The following ANK3 variants were observed in gnomAD, a reference collection of about 807,000 sequenced individuals.
The protein encoded by ANK3 is ankyrin 3.
A neutral mutation model predicts 370.9 loss-of-function variants in ANK3; 57 were observed. The observed-to-expected ratio is 0.15, with a 90% CI of 0.12 to 0.19. The LOEUF is 0.19. Ranked by LOEUF, ANK3 falls within the 10% of genes least tolerant of loss-of-function variation. The pLI, the probability that ANK3 is intolerant of heterozygous loss-of-function variation, is 1.00. For synonymous variants in ANK3, 1,929 were observed against 1,946.3 expected (o/e 0.99, Z 0.23); for missense variants, 4,439 against 5,302.1 (o/e 0.84, Z 5.06).
At chr10:60,598,325 G>A (rs1310650076) in intron 2 of ANK3, among the ~76,000 whole-genome samples, 1 of 152,162 alleles carries the variant, frequency 6.6e-6, no homozygotes, top group East Asian at 1.9e-4. Context: ...TTATTAAAGA[G>A]ACAAATATTT....
intron 42 of ANK3, among the ~76,000 whole-genome samples, chr10:60,047,213 C>T (rs2077119134): frequency 6.6e-6 from 1 of 152,150 alleles, no homozygotes; most frequent in Admixed American, 6.5e-5. Context: ...CCCTTCCCTT[C>T]CCCCCAACCA....
chr10:60,347,736 A>G (rs1341634176), intron 1 of ANK3, among the ~76,000 whole-genome samples: 1 of 152,158 alleles, frequency 6.6e-6, no homozygotes, highest in Non-Finnish European at 1.5e-5. Flanking sequence ...GGTGTACCTT[A>G]AATCAATGGT....
chr10:60,220,226 T>G (rs1183846687), intron 8 of ANK3, among the ~76,000 whole-genome samples: 1 of 152,174 alleles, frequency 6.6e-6, no homozygotes, highest in Non-Finnish European at 1.5e-5. Flanking sequence ...AGGTCAAAAT[T>G]GTTTCATTTT....
At chr10:60,518,939 C>A (rs1403418433) in intron 2 of ANK3, among the ~76,000 whole-genome samples, 19 of 152,142 alleles carry the variant, frequency 1.2e-4, no homozygotes, top group Admixed American at 1.2e-3. Context: ...GCGTCCCCAT[C>A]TCTTCCTTGG....
chr10:60,211,219 A>G lies in ANK3; in HGVS notation c.996+2193T>C, dbSNP rs1339751809. 2.0e-5 allele frequency among the ~76,000 whole-genome samples: 3 copies of G among 152,164 alleles called. No individual in the cohort carries two copies. In the East Asian group the frequency reaches 5.8e-4, roughly 29 times the overall value. On this transcript the variant is annotated intron_variant, in intron 9 of 43. Transcript: ENST00000280772. ...AGGCCCTTCCCAACTCAGCAAAGTCAGGTAACTGCCTCCTGCTAGCCTGAA... is the reference window on the plus strand; with the variant it reads ...AGGCCCTTCCCAACTCAGCAAAGTCGGGTAACTGCCTCCTGCTAGCCTGAA...
intron 8 of ANK3, among the ~76,000 whole-genome samples, chr10:60,218,259 C>G (rs1193355073): frequency 3.3e-5 from 5 of 152,182 alleles, no homozygotes; most frequent in East Asian, 1.9e-4. Context: ...TGTCTTTTAA[C>G]TGTGGCCTTT....
chr10:60,279,889 A>C (rs2098137112), intron 1 of ANK3, among the ~76,000 whole-genome samples: 1 of 152,198 alleles, frequency 6.6e-6, no homozygotes, highest in South Asian at 2.1e-4. Flanking sequence ...TTTCCTATAA[A>C]GTATAGGCAC....
chr10:60,031,654 C>T (rs888241160), intron 43 of ANK3, among the ~76,000 whole-genome samples: 2 of 152,138 alleles, frequency 1.3e-5, no homozygotes, highest in South Asian at 2.1e-4. Flanking sequence ...CTTTAGAATT[C>T]GACTTCTCTT....
intron 2 of ANK3, among the ~76,000 whole-genome samples, chr10:60,548,679 T>C (rs896936315): frequency 2.9e-4 from 44 of 152,182 alleles, no homozygotes; most frequent in African/African-American, 1.0e-3. Flanking sequence ...AATAGTTTAT[T>C]CCTTCATTCT....
At chr10:60,132,806 G>A (rs765066750) in intron 25 of ANK3, among the ~76,000 whole-genome samples, 92 of 85,756 alleles carry the variant, frequency 1.1e-3, no homozygotes, top group Non-Finnish European at 2.0e-3. Flanking sequence ...TAGTAGAGAC[G>A]GGGTTTCACC....
intron 28 of ANK3, among the ~76,000 whole-genome samples, chr10:60,103,310 ATTTTTATCTTG>A (rs2091637102): frequency 6.6e-6 from 1 of 152,102 alleles, no homozygotes; most frequent in African/African-American, 2.4e-5. Context: ...TTCAGGAACT[ATTTTTATCTTG>A]TTAATTAACA....
chr10:60,069,307 C>A lies in ANK3; in HGVS notation c.11574G>T (p.Gly3858=). ...TGGGAAGTTTGGATTTTTGCCTAAT[C>A]CCTATCAATTCCTTTGTTTTTTGCT... ...GEQQKTKELI[G]IRQKSKLPIK... The change falls in exon 37 of 44, where the codon GGG becomes GGT. Residue 3858 remains glycine (G), a synonymous_variant. Coordinates refer to ENST00000280772, the MANE Select transcript of ANK3 (RefSeq NM_020987.5). The A allele has an allele frequency of 6.2e-7, 1 of 1,614,064 alleles. No individual in the cohort carries two copies. Among genetic ancestry groups the A allele is most frequent in the Non-Finnish European group, 8.5e-7 (1 of 1,179,994 alleles).
chr10:60,285,901 G>A (rs943098955), intron 1 of ANK3, among the ~76,000 whole-genome samples: 4 of 151,996 alleles, frequency 2.6e-5, no homozygotes, highest in African/African-American at 9.7e-5. Flanking sequence ...TGCAATCTTG[G>A]TGTAACTCTC....
Position 60,647,297 on chromosome 10 carries a change from A to G in ANK3, c.58-32073T>C, listed in dbSNP as rs563962928. ...TCATTTAAAAGCTTTTTGGTTGAAAATATACTTTTCTAAATGAAATATGAA... is the reference window on the plus strand; with the variant it reads ...TCATTTAAAAGCTTTTTGGTTGAAAGTATACTTTTCTAAATGAAATATGAA... On this transcript the variant is annotated intron_variant, in intron 1 of 43. Coordinates refer to the ANK3 transcript ENST00000373827. Among the ~76,000 whole-genome samples the G allele has an allele frequency of 5.9e-5, 9 of 152,342 alleles. No individual in the cohort carries two copies. The East Asian group carries it at 1.5e-3, about 26-fold the overall frequency.
chr10:60,145,140 T>G (rs1461887351), intron 23 of ANK3, among the ~76,000 whole-genome samples: 2 of 152,194 alleles, frequency 1.3e-5, no homozygotes, highest in Non-Finnish European at 2.9e-5. Context: ...TGCTCAAAAG[T>G]GTTTAATTCT....
chr10:60,215,014 C>T (rs1231379538), intron 8 of ANK3, among the ~76,000 whole-genome samples: 1 of 152,138 alleles, frequency 6.6e-6, no homozygotes, highest in African/African-American at 2.4e-5. Context: ...CACAGCCTCC[C>T]CAGCATCTAT....
In ANK3 at chr10:60,540,169, C is replaced by T. The variant is rs1195434437; in HGVS notation, c.96+75017G>A. Among the ~76,000 whole-genome samples the T allele has an allele frequency of 3.3e-5, 5 of 151,848 alleles. No homozygotes were observed. In the South Asian group the frequency reaches 6.2e-4, roughly 19 times the overall value. ...TTCTGCCCTAGGAAATCTGGAACCA[C>T]GACTCTAAGACAGTTGATCTTGTTA... On this transcript the variant is annotated intron_variant, in intron 2 of 43. Transcript: ENST00000373827.
At position 60,072,204 on chromosome 10, in the gene ANK3, G is replaced by C. The variant is rs1401664356; in HGVS notation, c.8677C>G (p.Gln2893Glu). ...IGHPESKSVDQKNEFMSVTER... is the reference protein window; with the variant it reads ...IGHPESKSVDEKNEFMSVTER... Reference sequence around the variant, plus strand: ...GTCACAGACATAAATTCATTCTTTTGATCAACACTTTTACTCTCAGGGTGA... The same window carrying C: ...GTCACAGACATAAATTCATTCTTTTCATCAACACTTTTACTCTCAGGGTGA... Residue 2893 changes from glutamine (Q) to glutamate (E), a missense_variant, in exon 37 of 44, where the codon CAA (glutamine) becomes GAA (glutamate). Coordinates refer to ENST00000280772, the MANE Select transcript of ANK3 (RefSeq NM_020987.5). 6.2e-7 allele frequency: 1 copy of C among 1,613,566 alleles called. No individual in the cohort carries two copies. The highest frequency in any genetic ancestry group is 1.3e-5 in the African/African-American group (1 of 74,836).
At chr10:60,121,617 G>A (rs2132136870) in intron 25 of ANK3, among the ~76,000 whole-genome samples, 2 of 151,956 alleles carry the variant, frequency 1.3e-5, no homozygotes, top group East Asian at 3.9e-4. Context: ...GCTTGAGCTG[G>A]GAGGTGGAGG....
Sources: gnomAD v4.1 joint callset for allele counts (sites outside exome capture counted in the v4.1 genomes callset) on GRCh38, gnomAD v4.1.1 for gene constraint, MANE v1.5 for transcripts, NCBI Gene and HGNC (gene_info 2026-07-23, HGNC 2026-07-21) for gene names.